Variants in RET observed in about 807,000 individuals in gnomAD.
RET encodes the protein proto-oncogene tyrosine-protein kinase receptor Ret.
RET carries 19 observed loss-of-function variants against 118.3 expected under a neutral mutation model. That is an observed-to-expected ratio of 0.16 (90% confidence interval 0.11 to 0.24). The LOEUF (loss-of-function observed/expected upper bound fraction) is 0.24. Ranked by LOEUF, RET falls within the 10% of genes least tolerant of loss-of-function variation. The probability of loss-of-function intolerance (pLI) is 1.00; values close to 1 mark genes in which losing one functional copy is unlikely to be tolerated. For synonymous variants in RET, 597 were observed against 644.1 expected (o/e 0.93, Z 1.11); for missense variants, 1,219 against 1,502.1 (o/e 0.81, Z 3.12).
Position 43,089,208 on chromosome 10 carries a change from C to G in RET, c.74-11251C>G, listed in dbSNP as rs970748389. Among the ~76,000 whole-genome samples, 5 of 152,388 alleles carry G rather than the reference C, an allele frequency of 3.3e-5. No homozygotes were observed. In the East Asian group the frequency reaches 9.6e-4, roughly 29 times the overall value. On this transcript the variant is annotated intron_variant, in intron 1 of 19. Transcript: ENST00000355710. Reference sequence around the variant, plus strand: ...GATGACTTCCCCAGCCGGCTGACCTCAGGGAGGGTGCACATGGGTGCCCCC... The same window carrying G: ...GATGACTTCCCCAGCCGGCTGACCTGAGGGAGGGTGCACATGGGTGCCCCC...
intron 3 of RET, among the ~76,000 whole-genome samples, chr10:43,103,022 C>T (rs1837676515): frequency 6.8e-6 from 1 of 147,598 alleles, no homozygotes; most frequent in Admixed American, 6.7e-5. Context: ...AGGGTGGGGG[C>T]TAGCAGAGCA....
chr10:43,078,204 A>G (rs1588849253), intron 1 of RET, among the ~76,000 whole-genome samples: 2 of 152,350 alleles, frequency 1.3e-5, no homozygotes, highest in African/African-American at 4.8e-5. Context: ...ACCCCTTGGC[A>G]CGCGTTTAAG....
In RET at chr10:43,114,751, G is replaced by A. The variant is rs751183869; in HGVS notation, c.2136+15G>A. The A allele has an allele frequency of 1.6e-4, 252 of 1,600,540 alleles. 2 individuals are homozygous for A. Among genetic ancestry groups the A allele is most frequent in the Admixed American group, 1.5e-3 (86 of 59,128 alleles). ...TCAAGATCCTGGTGAGGGTCCCTGC[G>A]GGGCAGGGAAGATCCCCTGCCCTCC... On this transcript the variant is annotated intron_variant, in intron 11 of 19. Coordinates refer to ENST00000355710, the MANE Select transcript of RET (RefSeq NM_020975.6). The surrounding 1 kb of genome is among the most constrained non-coding windows in gnomAD (Gnocchi z 4.6).
At position 43,130,059 on chromosome 10, in the gene RET, G is replaced by T. The variant is rs2133062886; in HGVS notation, c.*1790G>T. On this transcript the variant is annotated 3_prime_UTR_variant, in exon 20 of 20. Transcript: ENST00000355710. The stretch of plus-strand genomic sequence containing the variant: ...GTAAGAACTCCAGGTCTAAACAGCT[G>T]ACCCAGTGATGGGGAATTTATCCTT... The T allele has an allele frequency of 2.5e-6, 1 of 398,614 alleles. No individual in the cohort carries two copies. Among genetic ancestry groups the T allele is most frequent in the African/African-American group, 2.1e-5 (1 of 48,764 alleles). 24.7% of individuals were successfully genotyped at this position (398,614 alleles called of 1,614,324 possible).
At chr10:43,108,894 CT>C (rs1451329586) in intron 5 of RET, 136 bp from the exon 6 acceptor site, 13 of 835,354 alleles carry the variant, frequency 1.6e-5, no homozygotes, top group Non-Finnish European at 2.6e-5. Flanking sequence ...AGCCCCAGGC[CT>C]GTTGCATGGC....
intron 1 of RET, among the ~76,000 whole-genome samples, chr10:43,086,874 A>G (rs1417331862): frequency 6.6e-6 from 1 of 152,206 alleles, no homozygotes; most frequent in South Asian, 2.1e-4. Flanking sequence ...CCCTCAGAGC[A>G]GAAGGCTGGG....
At chr10:43,077,569 G>GCGGGC (rs1022620591) in intron 1 of RET, among the ~76,000 whole-genome samples, 1 of 150,752 alleles carries the variant, frequency 6.6e-6, no homozygotes, top group African/African-American at 2.4e-5. Context: ...GGAGCGGAGC[G>GCGGGC]CGGGCCGGGC....
chr10:43,122,996 G>T (rs930944142), intron 16 of RET, among the ~76,000 whole-genome samples: 1 of 152,212 alleles, frequency 6.6e-6, no homozygotes, highest in Non-Finnish European at 1.5e-5. Context: ...AGGCTAGTTG[G>T]AAAAGGCAGA....
At chr10:43,122,873 G>A (rs1838248595) in intron 16 of RET, among the ~76,000 whole-genome samples, 1 of 152,192 alleles carries the variant, frequency 6.6e-6, no homozygotes, top group Non-Finnish European at 1.5e-5. Flanking sequence ...GCCTCCCAAA[G>A]TGCTGGGATT....
chr10:43,107,559 TCACACACACACACACACA>T (rs59876947), intron 5 of RET, among the ~76,000 whole-genome samples: 63 of 140,824 alleles, frequency 4.5e-4, no homozygotes, highest in African/African-American at 1.5e-3. Context: ...CCCCCATGCC[TCACACACACACACACACA>T]CACACACACA....
At position 43,112,092 on chromosome 10, in the gene RET, C is replaced by T. The variant is rs567967877; in HGVS notation, c.1523-7C>T. ...CCCCTGTGACCCTGCTTGTCTGCCACCTGCAGATGTGGCCGAGGAGGCGGG... is the reference window on the plus strand; with the variant it reads ...CCCCTGTGACCCTGCTTGTCTGCCATCTGCAGATGTGGCCGAGGAGGCGGG... On this transcript the variant is annotated splice_polypyrimidine_tract_variant and splice_region_variant and intron_variant, in intron 7 of 19. Coordinates refer to ENST00000355710, the MANE Select transcript of RET (RefSeq NM_020975.6). 370 of 1,597,416 alleles carry T rather than the reference C, an allele frequency of 2.3e-4. 3 individuals are homozygous for T. In the South Asian group the frequency reaches 4.0e-3, roughly 17 times the overall value.
At chr10:43,090,901 C>T (rs1289222104) in intron 1 of RET, among the ~76,000 whole-genome samples, 1 of 150,786 alleles carries the variant, frequency 6.6e-6, no homozygotes, top group Non-Finnish European at 1.5e-5. Flanking sequence ...AGTCAGGGCG[C>T]TCTCGTGCCT....
intron 18 of RET, 44 bp downstream of exon 18, chr10:43,125,026 G>A (rs1221443606): frequency 6.3e-7 from 1 of 1,581,934 alleles, no homozygotes; most frequent in South Asian, 1.1e-5. Flanking sequence ...AGTGGCTTGG[G>A]GAGACTCCAG....
Position 43,119,868 on chromosome 10 carries a change from C to T in RET, c.2607+123C>T, listed in dbSNP as rs1588877510. Reference sequence around the variant, plus strand: ...CCATGCCACACTCTAGCCCACCATGCCCCTGCCATGGCATGCCATGCTATG... The same window carrying T: ...CCATGCCACACTCTAGCCCACCATGTCCCTGCCATGGCATGCCATGCTATG... On this transcript the variant is annotated intron_variant, in intron 14 of 19. Coordinates refer to ENST00000355710, the MANE Select transcript of RET (RefSeq NM_020975.6). The T allele has an allele frequency of 7.8e-6, 10 of 1,283,944 alleles. No homozygotes were observed. The South Asian group carries it at 1.1e-4, about 14-fold the overall frequency. 79.5% of individuals were successfully genotyped at this position (1,283,944 alleles called of 1,614,324 possible).
intron 5 of RET, among the ~76,000 whole-genome samples, chr10:43,108,668 G>A (rs1588869005): frequency 6.6e-6 from 1 of 152,002 alleles, no homozygotes; most frequent in Non-Finnish European, 1.5e-5. Context: ...CATACACACA[G>A]GCACCAATAC....
chr10:43,107,290 G>A (rs1035139947), intron 5 of RET, among the ~76,000 whole-genome samples: 6 of 152,122 alleles, frequency 3.9e-5, no homozygotes, highest in Non-Finnish European at 8.8e-5. Context: ...CTTGTCAGAG[G>A]GGAGACAGCC....
Position 43,100,826 on chromosome 10 carries a change from C to G in RET, c.337+104C>G, listed in dbSNP as rs561416785. On this transcript the variant is annotated intron_variant, in intron 2 of 19. Transcript: ENST00000355710. ...CTGAAGCTTGGCATGGCTTCCCCCC[C>G]ACCGCTGGTGTGGAAGGCGTCAGGG... is the stretch of plus-strand genomic sequence containing the variant. 8.9e-5 allele frequency: 116 copies of G among 1,303,336 alleles called. 2 individuals are homozygous for G. Among genetic ancestry groups the G allele is most frequent in the African/African-American group, 7.9e-4 (54 of 68,674 alleles). The allele number at this position is 1,303,336 out of a possible 1,614,324, so 80.7% of individuals were successfully genotyped here. A position where few individuals can be genotyped will look rare whatever the true frequency, so the allele number is the denominator to read the frequency against.
At chr10:43,117,079 A>G (rs1181491344) in intron 12 of RET, among the ~76,000 whole-genome samples, 2 of 152,246 alleles carry the variant, frequency 1.3e-5, no homozygotes, top group African/African-American at 2.4e-5. Context: ...AGAGACCACC[A>G]GTAAGGACTG....
rs34288963 is a variant in RET, at chr10:43,116,693, G to A, written c.2246G>A (p.Arg749Lys). 6.2e-7 allele frequency: 1 copy of A among 1,613,834 alleles called. No homozygotes were observed. The highest frequency in any genetic ancestry group is 1.7e-5 in the Admixed American group (1 of 60,026). Residue 749 changes from arginine (R) to lysine (K), a missense_variant, in exon 12 of 20, where the codon AGA becomes AAA. Arg to Lys is a conservative substitution (Grantham distance 26, BLOSUM62 2). This residue lies in a region of RET where 850 missense variants were observed against 969.6 expected (regional missense o/e 0.88). Coordinates refer to ENST00000355710, the MANE Select transcript of RET (RefSeq NM_020975.6). The part of the protein sequence containing the change: ...VKATAFHLKG[R>K]AGYTTVAVKM... ...GCAACGGCCTTCCATCTGAAAGGCA[G>A]AGCAGGGTACACCACGGTGGCCGTG...
Sources: gnomAD v4.1 joint callset for allele counts (sites outside exome capture counted in the v4.1 genomes callset) on GRCh38, gnomAD v4.1.1 for gene constraint, gnomAD v4.1.1 regional missense constraint, Gnocchi (gnomAD v3.1) non-coding constraint, MANE v1.5 for transcripts, NCBI Gene and HGNC (gene_info 2026-07-23, HGNC 2026-07-21) for gene names.